Variants in OSBPL10 observed in about 807,000 individuals in gnomAD.
OSBPL10 encodes oxysterol binding protein like 10.
OSBPL10 carries 49 observed loss-of-function variants against 81.7 expected under a neutral mutation model. The observed-to-expected ratio is 0.60, with a 90% CI of 0.48 to 0.76. The LOEUF (loss-of-function observed/expected upper bound fraction) is 0.76, where lower values mean the gene tolerates loss of function less well. OSBPL10 is among the 30% of genes least tolerant of loss of function. The probability of loss-of-function intolerance (pLI) is 0.00; values close to 1 mark genes in which losing one functional copy is unlikely to be tolerated. For synonymous variants in OSBPL10, 419 were observed against 383.6 expected, an observed-to-expected ratio of 1.09 and a Z score of -1.08; for missense variants, 923 against 987.8, an observed-to-expected ratio of 0.93 and a Z score of 0.88.
At position 32,037,233 on chromosome 3, in the gene OSBPL10, C is replaced by G. The variant is rs184684283; in HGVS notation, n.298+9258G>C. The stretch of plus-strand genomic sequence containing the variant: ...GCTGGTTACACAAGCAGGAGGCAGT[C>G]AGCCTTCTGTGACTGCACTGCCCTC... On this transcript the variant is annotated intron_variant and non_coding_transcript_variant, in intron 2 of 3. Coordinates refer to the OSBPL10 transcript ENST00000479173. 1.4e-3 allele frequency among the ~76,000 whole-genome samples: 214 copies of G among 152,356 alleles called. 1 individual carries two copies. The highest frequency in any genetic ancestry group is 2.2e-3 in the Non-Finnish European group (150 of 68,028).
At chr3:31,672,361 C>G (rs375023642) in intron 8 of OSBPL10, among the ~76,000 whole-genome samples, 1,885 of 53,624 alleles carry the variant, frequency 0.035, 34 homozygotes, top group Non-Finnish European at 0.057. Context: ...TTTGCGGGGG[C>G]GGGGGGGGGG....
chr3:31,963,988 C>T (rs1437695244), intron 1 of OSBPL10, among the ~76,000 whole-genome samples: 3 of 151,954 alleles, frequency 2.0e-5, no homozygotes, highest in African/African-American at 7.3e-5. Flanking sequence ...CAGCATCTTC[C>T]ATTCAAAGCA....
At chr3:31,852,609 G>A (rs1411743659) in intron 3 of OSBPL10, among the ~76,000 whole-genome samples, 4 of 151,670 alleles carry the variant, frequency 2.6e-5, no homozygotes, top group African/African-American at 9.7e-5. Context: ...ACAGGGTTTC[G>A]CTCCCGTCAC....
chr3:32,045,517 G>C lies in OSBPL10; in HGVS notation n.298+974C>G, dbSNP rs112159308. 2.2e-3 allele frequency among the ~76,000 whole-genome samples: 336 copies of C among 152,342 alleles called. 1 individual carries two copies. In the Middle Eastern group the frequency reaches 0.034, roughly 15 times the overall value. Reference sequence around the variant, plus strand: ...ACGGTGAAAAGTCACCAGGAAATGAGACAGGGTCGATAATAGAATGACCGT... The same window carrying C: ...ACGGTGAAAAGTCACCAGGAAATGACACAGGGTCGATAATAGAATGACCGT... On this transcript the variant is annotated intron_variant and non_coding_transcript_variant, in intron 2 of 3. Transcript: ENST00000479173.
chr3:31,978,909 T>C (rs1210372202), intron 1 of OSBPL10, among the ~76,000 whole-genome samples: 1 of 152,208 alleles, frequency 6.6e-6, no homozygotes, highest in Admixed American at 6.5e-5. Context: ...AAAAGAATGT[T>C]ACTCCAATGC....
Position 31,915,650 on chromosome 3 carries a change from A to G in OSBPL10, c.282-35820T>C, listed in dbSNP as rs1004723542. On this transcript the variant is annotated intron_variant, in intron 1 of 11. Transcript: ENST00000396556. ...AGCAAGGGTTGAAAAACTATCGCAT[A>G]CCATGCTCAGTGCCTAGGTGACAGG... 3.3e-5 allele frequency among the ~76,000 whole-genome samples: 5 copies of G among 152,238 alleles called. 1 individual carries two copies. The highest frequency in any genetic ancestry group is 1.5e-5 in the Non-Finnish European group (1 of 68,004).
chr3:31,788,624 G>A (rs1055302827), intron 4 of OSBPL10, among the ~76,000 whole-genome samples: 1 of 152,026 alleles, frequency 6.6e-6, no homozygotes, highest in Non-Finnish European at 1.5e-5. Flanking sequence ...ATTTAAAAAT[G>A]GCTGTATGGT....
At chr3:31,885,506 C>G (rs1270921237) in intron 1 of OSBPL10, among the ~76,000 whole-genome samples, 2 of 152,182 alleles carry the variant, frequency 1.3e-5, no homozygotes, top group African/African-American at 4.8e-5. Flanking sequence ...GAGACATCAT[C>G]TGTCTGCACA....
chr3:31,821,874 A>T (rs1312352360), intron 4 of OSBPL10, among the ~76,000 whole-genome samples: 2 of 152,214 alleles, frequency 1.3e-5, no homozygotes, highest in African/African-American at 4.8e-5. Context: ...GACAGTTTAC[A>T]GTTACTGCTT....
At chr3:31,907,689 A>C (rs1319712156) in intron 1 of OSBPL10, among the ~76,000 whole-genome samples, 1 of 150,500 alleles carries the variant, frequency 6.6e-6, no homozygotes, top group Admixed American at 6.6e-5. Flanking sequence ...ACTAGTTCAT[A>C]TAAGGACCAG....
intron 2 of OSBPL10, among the ~76,000 whole-genome samples, chr3:32,001,052 T>G (rs917339547): frequency 5.3e-5 from 8 of 152,130 alleles, no homozygotes; most frequent in Non-Finnish European, 7.3e-5. Context: ...AGAATCAAAC[T>G]AATAAACAGG....
chr3:31,930,144 C>T (rs1663925646), intron 1 of OSBPL10, among the ~76,000 whole-genome samples: 1 of 150,082 alleles, frequency 6.7e-6, no homozygotes, highest in Non-Finnish European at 1.5e-5. Context: ...CACAGCAAGA[C>T]CTCAGATCTC....
intron 3 of OSBPL10, among the ~76,000 whole-genome samples, chr3:31,843,265 A>G (rs941446305): frequency 2.6e-5 from 4 of 152,212 alleles, no homozygotes; most frequent in Non-Finnish European, 4.4e-5. Context: ...GCAGCCCTTG[A>G]TCAATGGGAG....
chr3:31,746,577 C>T (rs1375614362), intron 5 of OSBPL10, among the ~76,000 whole-genome samples: 1 of 151,600 alleles, frequency 6.6e-6, no homozygotes, highest in Non-Finnish European at 1.5e-5. Context: ...ACTCGAGAGG[C>T]TGAGGCAGGA....
At chr3:31,995,601 C>T (rs370820811) in intron 2 of OSBPL10, among the ~76,000 whole-genome samples, 4 of 152,192 alleles carry the variant, frequency 2.6e-5, no homozygotes, top group African/African-American at 7.2e-5. Flanking sequence ...GTACAGTTAA[C>T]GCAATCATCA....
chr3:31,876,530 G>A lies in OSBPL10; in HGVS notation c.458-18C>T. 6.3e-7 allele frequency: 1 copy of A among 1,595,098 alleles called. No homozygotes were observed. The highest frequency in any genetic ancestry group is 1.1e-5 in the South Asian group (1 of 90,644). ...ATCAGCAGCTAAAATAGAGAAAACA[G>A]AGAAAGAAATGATTGCAGAGATTGT... On this transcript the variant is annotated intron_variant, in intron 2 of 11. Coordinates refer to ENST00000396556, the MANE Select transcript of OSBPL10 (RefSeq NM_017784.5).
chr3:31,691,905 T>C (rs1695566839), intron 7 of OSBPL10, among the ~76,000 whole-genome samples: 1 of 152,066 alleles, frequency 6.6e-6, no homozygotes, highest in African/African-American at 2.4e-5. Flanking sequence ...AATCCAATTT[T>C]ACAAAATAAA....
chr3:31,870,811 T>C (rs1232837152), intron 3 of OSBPL10, among the ~76,000 whole-genome samples: 1 of 152,102 alleles, frequency 6.6e-6, no homozygotes. Flanking sequence ...CAGCACTCTG[T>C]ATCTAGCTCA....
chr3:31,849,159 TG>T (rs1199123394), intron 3 of OSBPL10, among the ~76,000 whole-genome samples: 2 of 152,238 alleles, frequency 1.3e-5, no homozygotes, highest in Non-Finnish European at 2.9e-5. Flanking sequence ...GACATGTGAA[TG>T]AGGCCATCCA....
Sources: gnomAD v4.1 joint callset for allele counts (sites outside exome capture counted in the v4.1 genomes callset) on GRCh38, gnomAD v4.1.1 for gene constraint, MANE v1.5 for transcripts, NCBI Gene and HGNC (gene_info 2026-07-23, HGNC 2026-07-21) for gene names.